The following COL22A1 variants were observed in gnomAD, a reference collection of about 807,000 sequenced individuals.
COL22A1 encodes collagen alpha-1(XXII) chain.
Under a neutral mutation model 248.9 loss-of-function variants are expected in COL22A1, and 221 were observed. The observed-to-expected ratio is 0.89, with a 90% CI of 0.80 to 0.99. The LOEUF (loss-of-function observed/expected upper bound fraction) is 0.99, where lower values mean the gene tolerates loss of function less well. Among genes scored for constraint, COL22A1 ranks in the 50% least tolerant of loss-of-function variants. The probability of loss-of-function intolerance (pLI) is 0.00; values close to 1 mark genes in which losing one functional copy is unlikely to be tolerated. For synonymous variants in COL22A1, 891 were observed against 793.4 expected, an observed-to-expected ratio of 1.12 and a Z score of -2.07; for missense variants, 2,240 against 2,179.0, an observed-to-expected ratio of 1.03 and a Z score of -0.56.
intron 37 of COL22A1, among the ~76,000 whole-genome samples, chr8:138,688,086 A>T (rs1826508124): frequency 6.6e-6 from 1 of 151,960 alleles, no homozygotes; most frequent in Admixed American, 6.6e-5. Flanking sequence ...CAGTGTCACC[A>T]ATTAACCTCA....
intron 9 of COL22A1, 32 bp from the exon 10 acceptor site, chr8:138,807,844 T>A: frequency 4.3e-6 from 7 of 1,611,248 alleles, no homozygotes; most frequent in Non-Finnish European, 5.1e-6. Flanking sequence ...AAAAGTAAGT[T>A]TCTATTTTAA....
intron 32 of COL22A1, among the ~76,000 whole-genome samples, chr8:138,698,903 T>C (rs748765291): frequency 1.3e-5 from 2 of 152,274 alleles, no homozygotes; most frequent in Non-Finnish European, 2.9e-5. Context: ...AAATGTTTTA[T>C]GTAAAGTGCA....
chr8:138,689,061 C>T, intron 36 of COL22A1, 91 bp from the exon 37 acceptor site: 2 of 1,022,856 alleles, frequency 2.0e-6, no homozygotes, highest in South Asian at 1.3e-5. Context: ...TCATCAGGTC[C>T]CCCTGAAGTC....
intron 46 of COL22A1, 129 bp from the exon 47 acceptor site, chr8:138,646,811 C>A: frequency 1.5e-6 from 1 of 654,444 alleles, no homozygotes; most frequent in East Asian, 2.8e-5. Flanking sequence ...CGTCAGCTAC[C>A]CCTGCCCCTA....
chr8:138,715,129 T>A (rs942801042), intron 30 of COL22A1, among the ~76,000 whole-genome samples: 1 of 152,188 alleles, frequency 6.6e-6, no homozygotes, highest in Non-Finnish European at 1.5e-5. Flanking sequence ...GATGAAGGTG[T>A]CAACTCCAAT....
intron 16 of COL22A1, among the ~76,000 whole-genome samples, chr8:138,764,302 A>G (rs1833749594): frequency 6.6e-6 from 1 of 152,100 alleles, no homozygotes; most frequent in Non-Finnish European, 1.5e-5. Flanking sequence ...GGCTGCTCCT[A>G]TCTCTCCCCG....
chr8:138,823,416 GCTTTTTT>G (rs1010509921), intron 6 of COL22A1, among the ~76,000 whole-genome samples: 11 of 152,052 alleles, frequency 7.2e-5, no homozygotes, highest in Non-Finnish European at 1.2e-4. Context: ...TGATTTATTG[GCTTTTTT>G]CTTTTTTCTT....
intron 49 of COL22A1, among the ~76,000 whole-genome samples, chr8:138,631,070 C>G (rs543031571): frequency 4.6e-5 from 7 of 152,198 alleles, no homozygotes; most frequent in Non-Finnish European, 1.0e-4. Context: ...TGTGACACAC[C>G]TGGCCTTCCT....
intron 30 of COL22A1, among the ~76,000 whole-genome samples, chr8:138,707,396 T>C (rs1046666590): frequency 1.3e-5 from 2 of 152,010 alleles, no homozygotes; most frequent in African/African-American, 4.8e-5. Flanking sequence ...CAATAAAATA[T>C]GGCAAACCGA....
At chr8:138,685,127 G>T in intron 38 of COL22A1, 81 bp downstream of exon 38, 1 of 983,780 alleles carries the variant, frequency 1.0e-6, no homozygotes, top group Non-Finnish European at 1.6e-6. Flanking sequence ...TGCAAAGTTT[G>T]GCAGTTAGAT....
intron 3 of COL22A1, among the ~76,000 whole-genome samples, chr8:138,858,079 T>A (rs1331932962): frequency 6.6e-6 from 1 of 152,248 alleles, no homozygotes; most frequent in African/African-American, 2.4e-5. Flanking sequence ...CAGTGTGAAC[T>A]AACATCTCTT....
chr8:138,900,102 G>A (rs556359758), intron 1 of COL22A1, among the ~76,000 whole-genome samples: 1 of 152,272 alleles, frequency 6.6e-6, no homozygotes, highest in African/African-American at 2.4e-5. Flanking sequence ...GTTCTGGGCA[G>A]TGAAAAAACA....
At chr8:138,630,434 T>C (rs1820607862) in intron 50 of COL22A1, among the ~76,000 whole-genome samples, 1 of 152,214 alleles carries the variant, frequency 6.6e-6, no homozygotes, top group South Asian at 2.1e-4. Context: ...CTTATTTGCA[T>C]TGACAGTTGT....
intron 41 of COL22A1, among the ~76,000 whole-genome samples, chr8:138,669,809 T>C (rs958198155): frequency 1.3e-5 from 2 of 151,066 alleles, no homozygotes; most frequent in African/African-American, 4.9e-5. Flanking sequence ...GAAAGGAGAG[T>C]TTCCAATCAG....
rs373172764 is a variant in COL22A1 at position 138,780,945 on chromosome 8, G to A, written c.1632C>T (p.Asp544=). 208 of 1,613,298 alleles carry A rather than the reference G, an allele frequency of 1.3e-4. No homozygotes were observed. Among genetic ancestry groups the A allele is most frequent in the Middle Eastern group, 5.0e-4 (3 of 6,056 alleles). ...SLGLPGPPGR[D]GSKGMRGEPG... ...AACTTACTCTCATGCCTTTGCTGCCGTCTCTCCCAGGGGGGCCGGGCAGGC... is the reference window on the plus strand; with the variant it reads ...AACTTACTCTCATGCCTTTGCTGCCATCTCTCCCAGGGGGGCCGGGCAGGC... The change falls in exon 13 of 65, where the codon GAC becomes GAT. Residue 544 remains aspartate (D), a synonymous_variant. Transcript: ENST00000303045.
At chr8:138,730,195 G>A (rs1332340325) in intron 23 of COL22A1, among the ~76,000 whole-genome samples, 1 of 152,184 alleles carries the variant, frequency 6.6e-6, no homozygotes, top group Non-Finnish European at 1.5e-5. Flanking sequence ...CTGCACTCAG[G>A]GTCTGGGAAG....
intron 44 of COL22A1, among the ~76,000 whole-genome samples, chr8:138,660,006 C>G (rs192465236): frequency 6.6e-6 from 1 of 152,214 alleles, no homozygotes; most frequent in African/African-American, 2.4e-5. Flanking sequence ...TTTCACCCTT[C>G]TCTGTCCCGT....
chr8:138,817,769 G>C (rs892135671), intron 7 of COL22A1, among the ~76,000 whole-genome samples: 5 of 152,176 alleles, frequency 3.3e-5, no homozygotes, highest in Admixed American at 6.5e-5. Flanking sequence ...TTTATTGAAA[G>C]CTGGCGGTAT....
intron 50 of COL22A1, among the ~76,000 whole-genome samples, chr8:138,626,654 T>C (rs994549876): frequency 1.3e-5 from 2 of 152,188 alleles, no homozygotes; most frequent in African/African-American, 4.8e-5. Context: ...CCTTGAGGTG[T>C]TGTGCATACA....
Sources: allele counts gnomAD v4.1 joint callset (sites outside exome capture counted in the v4.1 genomes callset), GRCh38; gene constraint gnomAD v4.1.1; transcripts MANE v1.5; gene names NCBI Gene and HGNC (gene_info 2026-07-23, HGNC 2026-07-21).